The following ATP2A2 variants were observed in gnomAD, a reference collection of about 807,000 sequenced individuals.
ATP2A2 encodes the protein sarcoplasmic/endoplasmic reticulum calcium ATPase 2.
Under a neutral mutation model 109.3 loss-of-function variants are expected in ATP2A2, and 14 were observed. The observed-to-expected ratio is 0.13, with a 90% CI of 0.08 to 0.20. The LOEUF (loss-of-function observed/expected upper bound fraction) is 0.20, where lower values mean the gene tolerates loss of function less well. Among genes scored for constraint, ATP2A2 ranks in the 10% least tolerant of loss-of-function variants. The pLI is 1.00. For missense variants in ATP2A2, 657 were observed against 1,321.6 expected (o/e 0.50, Z 7.80); for synonymous variants, 506 against 490.9 (o/e 1.03, Z -0.41).
At chr12:110,315,738 C>T (rs371706862) in intron 5 of ATP2A2, among the ~76,000 whole-genome samples, 99 of 152,220 alleles carry the variant, frequency 6.5e-4, no homozygotes, top group African/African-American at 2.3e-3. Flanking sequence ...GTTGGGAGTT[C>T]GAGACCAGCC....
intron 9 of ATP2A2, 118 bp from the exon 10 acceptor site, chr12:110,333,063 C>A: frequency 1.1e-6 from 1 of 916,412 alleles, no homozygotes; most frequent in Non-Finnish European, 1.8e-6. Context: ...GAATTTTTTC[C>A]AGTATGTTGT....
chr12:110,344,790 T>TTTGATCTTCGTCC, intron 16 of ATP2A2, 96 bp from the exon 17 acceptor site: 1 of 1,235,598 alleles, frequency 8.1e-7, no homozygotes, highest in Non-Finnish European at 1.2e-6. Flanking sequence ...GTCCCATGTC[T>TTTGATCTTCGTCC]TTGATCTTCG....
intron 16 of ATP2A2, 144 bp downstream of exon 16, chr12:110,343,578 T>G: frequency 4.2e-6 from 4 of 943,390 alleles, no homozygotes; most frequent in Admixed American, 2.1e-5. Flanking sequence ...TACAGTTCGA[T>G]GAACTATACA....
chr12:110,346,560 AT>A lies in ATP2A2; in HGVS notation c.*91del. On this transcript the variant is annotated 3_prime_UTR_variant, in exon 20 of 20. Coordinates refer to ENST00000539276, the MANE Select transcript of ATP2A2 (RefSeq NM_170665.4). Reference sequence around the variant, plus strand: ...CTGTCTATTTCTGCTGAATTTTCACATGAACATACTGGCTGGTGATGGAGGT... The same window carrying A: ...CTGTCTATTTCTGCTGAATTTTCACAGAACATACTGGCTGGTGATGGAGGT... 2 of 1,571,180 alleles carry A rather than the reference AT, an allele frequency of 1.3e-6. No individual in the cohort carries two copies. The highest frequency in any genetic ancestry group is 2.3e-5 in the South Asian group (2 of 86,600).
chr12:110,333,553 C>A (rs542129992), intron 10 of ATP2A2, among the ~76,000 whole-genome samples: 1 of 152,168 alleles, frequency 6.6e-6, no homozygotes, highest in Non-Finnish European at 1.5e-5. Flanking sequence ...AGCATACTTA[C>A]TATAAATGAA....
At chr12:110,287,812 C>T (rs998913151) in intron 3 of ATP2A2, among the ~76,000 whole-genome samples, 1 of 152,054 alleles carries the variant, frequency 6.6e-6, no homozygotes, top group Non-Finnish European at 1.5e-5. Flanking sequence ...GACGGGGTTT[C>T]TCCATGTTGA....
At chr12:110,301,525 C>T (rs1333524111) in intron 5 of ATP2A2, among the ~76,000 whole-genome samples, 2 of 152,188 alleles carry the variant, frequency 1.3e-5, no homozygotes, top group African/African-American at 4.8e-5. Context: ...CCAGAACACA[C>T]CCAAGTTCGT....
rs141335001 is a variant in ATP2A2, at chr12:110,281,883, C to T, written c.94C>T (p.Leu32Phe). 5.0e-4 allele frequency: 794 copies of T among 1,581,086 alleles called. No individual in the cohort carries two copies. The highest frequency in any genetic ancestry group is 6.4e-4 in the Non-Finnish European group (743 of 1,165,586). The part of the protein sequence containing the change: ...TGLSLEQVKK[L>F]KERWGSNELP... Reference sequence around the variant, plus strand: ...GCTGAGCCTGGAACAGGTCAAGAAGCTTAAGGAGAGATGGGGCTCCAACGG... The same window carrying T: ...GCTGAGCCTGGAACAGGTCAAGAAGTTTAAGGAGAGATGGGGCTCCAACGG... The change falls in exon 1 of 20, where the codon CTT becomes TTT. Residue 32 changes from leucine to phenylalanine, a missense_variant. Physicochemically the swap from Leu to Phe is conservative, Grantham distance 22. Around this residue, in one of 9 missense-constraint regions of ATP2A2, gnomAD observed 64 missense variants for 65.4 expected, o/e 0.98. Coordinates refer to ENST00000539276, the MANE Select transcript of ATP2A2 (RefSeq NM_170665.4).
rs574800977 is a variant in ATP2A2 at position 110,348,851 on chromosome 12, G to A, written c.*2381G>A. On this transcript the variant is annotated 3_prime_UTR_variant, in exon 20 of 20. Transcript: ENST00000539276. Reference sequence around the variant, plus strand: ...AGCATCATGAGGTGTAACAAGAAATGGGTTGAATGGGCCAAATGCAAGGAG... The same window carrying A: ...AGCATCATGAGGTGTAACAAGAAATAGGTTGAATGGGCCAAATGCAAGGAG... 3.9e-5 allele frequency: 38 copies of A among 985,456 alleles called. No homozygotes were observed. In the East Asian group the frequency reaches 3.9e-3, roughly 100 times the overall value. The allele number at this position is 985,456 out of a possible 1,614,324, so 61.0% of individuals were successfully genotyped here.
chr12:110,316,379 C>T (rs747855755), intron 5 of ATP2A2, among the ~76,000 whole-genome samples: 4 of 152,148 alleles, frequency 2.6e-5, no homozygotes, highest in Admixed American at 6.5e-5. Context: ...TTAGTCTAAA[C>T]GTAGAATTTA....
chr12:110,327,782 C>T lies in ATP2A2; in HGVS notation c.860C>T (p.Ser287Phe). The T allele has an allele frequency of 6.2e-7, 1 of 1,614,138 alleles. No homozygotes were observed. The highest frequency in any genetic ancestry group is 8.5e-7 in the Non-Finnish European group (1 of 1,180,030). Residue 287 changes from serine to phenylalanine, a missense_variant, in exon 8 of 20, where the codon TCC becomes TTC. Ser to Phe is a radical substitution (Grantham distance 155). Coordinates refer to ENST00000539276, the MANE Select transcript of ATP2A2 (RefSeq NM_170665.4). The surrounding 1 kb of genome is among the most constrained non-coding windows in gnomAD (Gnocchi z 4.4). ...GHFNDPVHGG[S>F]WIRGAIYYFK... ...TTCAATGACCCGGTTCATGGAGGGT[C>T]CTGGATCAGAGGTGCTATTTACTAC... is the stretch of plus-strand genomic sequence containing the variant.
At chr12:110,301,620 C>T (rs1033958166) in intron 5 of ATP2A2, among the ~76,000 whole-genome samples, 1 of 152,172 alleles carries the variant, frequency 6.6e-6, no homozygotes, top group Non-Finnish European at 1.5e-5. Flanking sequence ...GCTCTGGCTT[C>T]CTTTGTTGTC....
Position 110,318,985 on chromosome 12 carries a change from C to G in ATP2A2, c.464-4007C>G, listed in dbSNP as rs938147997. ...ATAGGATCCATGACTCTAGCTATTGCATTTTTTCTCTTGCATTAATTTTTC... is the reference window on the plus strand; with the variant it reads ...ATAGGATCCATGACTCTAGCTATTGGATTTTTTCTCTTGCATTAATTTTTC... On this transcript the variant is annotated intron_variant, in intron 5 of 19. Transcript: ENST00000539276. Among the ~76,000 whole-genome samples, 4 of 152,102 alleles carry G rather than the reference C, an allele frequency of 2.6e-5. No individual in the cohort carries two copies. In the East Asian group the frequency reaches 7.7e-4, roughly 29 times the overall value.
intron 5 of ATP2A2, among the ~76,000 whole-genome samples, chr12:110,311,193 C>T (rs780389102): frequency 4.6e-5 from 7 of 152,158 alleles, no homozygotes; most frequent in Non-Finnish European, 8.8e-5. Context: ...AGTAGTCAGT[C>T]TGCTGTAGAG....
Position 110,339,686 on chromosome 12 carries a change from C to T in ATP2A2, c.1726C>T (p.His576Tyr), listed in dbSNP as rs376646545. ...CAACCCACTGAGAAGAGAAGAAATGCACCTTGAGGACTCTGCCAACTTTAT... is the reference window on the plus strand; with the variant it reads ...CAACCCACTGAGAAGAGAAGAAATGTACCTTGAGGACTCTGCCAACTTTAT... ...HDNPLRREEM[H>Y]LEDSANFIKY... Residue 576 changes from histidine (H) to tyrosine (Y), a missense_variant, in exon 13 of 20, where the codon CAC (histidine) becomes TAC (tyrosine). Transcript: ENST00000539276. This position sits in a 1 kb window ranked among gnomAD's most constrained non-coding sequence, Gnocchi z 4.4. 4.5e-5 allele frequency: 73 copies of T among 1,614,002 alleles called. No individual in the cohort carries two copies. In the Middle Eastern group the frequency reaches 4.9e-4, roughly 11 times the overall value.
At chr12:110,287,278 G>A (rs1449679945) in intron 3 of ATP2A2, among the ~76,000 whole-genome samples, 2 of 151,978 alleles carry the variant, frequency 1.3e-5, no homozygotes, top group South Asian at 2.1e-4. Flanking sequence ...TTTTGCTTTA[G>A]TATACTTATC....
At chr12:110,318,749 C>T (rs777113951) in intron 5 of ATP2A2, among the ~76,000 whole-genome samples, 3 of 152,234 alleles carry the variant, frequency 2.0e-5, no homozygotes, top group Non-Finnish European at 4.4e-5. Context: ...TCTGGGATTA[C>T]AGGCATAAGC....
Position 110,333,374 on chromosome 12 carries a change from T to G in ATP2A2, c.1287+91T>G, listed in dbSNP as rs867016555. 5.6e-6 allele frequency: 7 copies of G among 1,247,300 alleles called. No homozygotes were observed. In the East Asian group the frequency reaches 1.6e-4, roughly 29 times the overall value. 77.3% of individuals were successfully genotyped at this position (1,247,300 alleles called of 1,614,324 possible). A position where few individuals can be genotyped will look rare whatever the true frequency, so the allele number is the denominator to read the frequency against. On this transcript the variant is annotated intron_variant, in intron 10 of 19. Coordinates refer to ENST00000539276, the MANE Select transcript of ATP2A2 (RefSeq NM_170665.4). ...AAGTCTAGCCTGCCTTCCTCCCTTT[T>G]GAAAGTCAAGGGTGCCTGATTTTGT...
At chr12:110,310,930 G>C (rs3026456) in intron 5 of ATP2A2, among the ~76,000 whole-genome samples, 12,316 of 152,254 alleles carry the variant, frequency 0.081, 541 homozygotes, top group Middle Eastern at 0.11. Flanking sequence ...TTGTGAAATA[G>C]ATGAGTGGAT....
Sources: allele counts gnomAD v4.1 joint callset (sites outside exome capture counted in the v4.1 genomes callset), GRCh38; gene constraint gnomAD v4.1.1; regional missense constraint gnomAD v4.1.1; non-coding constraint Gnocchi (gnomAD v3.1); transcripts MANE v1.5; gene names NCBI Gene and HGNC (gene_info 2026-07-23, HGNC 2026-07-21).